The following POU4F2 variants were observed in gnomAD, a reference collection of about 807,000 sequenced individuals.
POU4F2 encodes POU class 4 homeobox 2, also known as POU domain, class 4, transcription factor 2.
In POU4F2, 10 loss-of-function variants were observed where a neutral mutation model predicts 21.5. The observed-to-expected ratio is 0.46, with a 90% CI of 0.29 to 0.79. POU4F2 has a LOEUF of 0.79. Among genes scored for constraint, POU4F2 ranks in the 30% least tolerant of loss-of-function variants. POU4F2 has a pLI of 0.10. For missense variants in POU4F2, 623 were observed against 603.3 expected (o/e 1.03, Z -0.34); for synonymous variants, 324 against 271.1 (o/e 1.20, Z -1.92).
At position 146,640,972 on chromosome 4, in the gene POU4F2, GC is replaced by G. The variant is rs1740876860; in HGVS notation, c.*166del. The G allele has an allele frequency of 3.0e-6, 2 of 670,916 alleles. No homozygotes were observed. The highest frequency in any genetic ancestry group is 4.6e-6 in the Non-Finnish European group (2 of 430,210). 41.6% of individuals were successfully genotyped at this position (670,916 alleles called of 1,614,324 possible). On this transcript the variant is annotated 3_prime_UTR_variant, in exon 2 of 2. Transcript: ENST00000281321. The surrounding 1 kb of genome is among the most constrained non-coding windows in gnomAD (Gnocchi z 4.8). Reference sequence around the variant, plus strand: ...CGAACGAGCGAACAACTGAGCCCAAGCCGGTGAGAATGTGAAACAGTTTCTC... The same window carrying G: ...CGAACGAGCGAACAACTGAGCCCAAGCGGTGAGAATGTGAAACAGTTTCTC...
At position 146,639,820 on chromosome 4, in the gene POU4F2, A is replaced by G. The variant is rs1426822505; in HGVS notation, c.289-47A>G. 1.3e-6 allele frequency: 2 copies of G among 1,497,762 alleles called. 1 individual carries two copies. 92.8% of individuals were successfully genotyped at this position (1,497,762 alleles called of 1,614,324 possible). ...GCCGGGGCTTCCGGAGAGAGGGCGT[A>G]CAATTCCCTGCTGAGCGTAATGTGT... On this transcript the variant is annotated intron_variant, in intron 1 of 1. Transcript: ENST00000281321.
At position 146,640,069 on chromosome 4, in the gene POU4F2, C is replaced by T. The variant is rs1324791249; in HGVS notation, c.491C>T (p.Pro164Leu). ...ASSSSVPISH[P>L]SALAGTHHHH... The stretch of plus-strand genomic sequence containing the variant: ...TCTTCATCGGTGCCCATCTCGCACC[C>T]TTCCGCGTTGGCGGGCACGCACCAC... Residue 164 changes from proline (P) to leucine (L), a missense_variant, in exon 2 of 2, where the codon CCT becomes CTT. Pro to Leu is a moderately conservative substitution (Grantham distance 98). Coordinates refer to ENST00000281321, the MANE Select transcript of POU4F2 (RefSeq NM_004575.3). The surrounding 1 kb of genome is among the most constrained non-coding windows in gnomAD (Gnocchi z 4.8). 1 of 1,607,086 alleles carries T rather than the reference C, an allele frequency of 6.2e-7. No individual in the cohort carries two copies. The highest frequency in any genetic ancestry group is 8.5e-7 in the Non-Finnish European group (1 of 1,179,922).
In POU4F2 at chr4:146,638,898, C is replaced by A. The variant is rs1740808004; in HGVS notation, c.-243C>A. The A allele has an allele frequency of 5.6e-6, 3 of 533,060 alleles. No homozygotes were observed. The highest frequency in any genetic ancestry group is 4.4e-5 in the Admixed American group (1 of 22,956). 33.0% of individuals were successfully genotyped at this position (533,060 alleles called of 1,614,324 possible). Reference sequence around the variant, plus strand: ...CGGCCGCGAGGAGCGGGGGCAGTTTCGGGTGCCGAGGTCTGCAGCTAGCGG... The same window carrying A: ...CGGCCGCGAGGAGCGGGGGCAGTTTAGGGTGCCGAGGTCTGCAGCTAGCGG... On this transcript the variant is annotated 5_prime_UTR_variant, in exon 1 of 2. Coordinates refer to ENST00000281321, the MANE Select transcript of POU4F2 (RefSeq NM_004575.3).
chr4:146,638,985 G>T lies in POU4F2; in HGVS notation c.-156G>T, dbSNP rs1419970981. On this transcript the variant is annotated 5_prime_UTR_variant, in exon 1 of 2. Coordinates refer to ENST00000281321, the MANE Select transcript of POU4F2 (RefSeq NM_004575.3). ...AGGCGGCGAAGGAGCGCGTAGCCGA[G>T]ATCAGGCGTACAGAGTCCGGAGGCG... is the stretch of plus-strand genomic sequence containing the variant. 1.9e-5 allele frequency: 17 copies of T among 909,680 alleles called. No homozygotes were observed. The East Asian group carries it at 3.5e-4, about 19-fold the overall frequency. The allele number at this position is 909,680 out of a possible 1,614,324, so 56.4% of individuals were successfully genotyped here.
In POU4F2 at chr4:146,639,442, CA is replaced by C; in HGVS notation, c.288+15del. ...CCAACCCCACCGGTGCGTATTTCTG[CA>C]TAATCACCGCTTAAAGGCACATTTT... On this transcript the variant is annotated intron_variant, in intron 1 of 1. Transcript: ENST00000281321. The C allele has an allele frequency of 7.6e-6, 11 of 1,456,270 alleles. No individual in the cohort carries two copies. Among genetic ancestry groups the C allele is most frequent in the African/African-American group, 1.5e-5 (1 of 67,366 alleles). The allele number at this position is 1,456,270 out of a possible 1,614,324, so 90.2% of individuals were successfully genotyped here.
At position 146,640,177 on chromosome 4, in the gene POU4F2, T is replaced by A. The variant is rs1470667148; in HGVS notation, c.599T>A (p.Leu200Gln). The A allele has an allele frequency of 1.3e-6, 2 of 1,590,538 alleles. No homozygotes were observed. Among genetic ancestry groups the A allele is most frequent in the East Asian group, 4.5e-5 (2 of 44,116 alleles). Residue 200 changes from leucine to glutamine, a missense_variant, in exon 2 of 2, where the codon CTG (leucine) becomes CAG (glutamine). Physicochemically the swap from Leu to Gln is moderately radical, Grantham distance 113. Transcript: ENST00000281321. The surrounding 1 kb of genome is among the most constrained non-coding windows in gnomAD (Gnocchi z 4.8). Reference protein sequence around the residue: ...GELLEHLSPGLALGAMAGPDG... With the variant: ...GELLEHLSPGQALGAMAGPDG... Reference sequence around the variant, plus strand: ...CTGCTGGAGCACCTGAGTCCCGGGCTGGCCCTGGGCGCTATGGCGGGCCCC... The same window carrying A: ...CTGCTGGAGCACCTGAGTCCCGGGCAGGCCCTGGGCGCTATGGCGGGCCCC...
In POU4F2 at chr4:146,640,826, C is replaced by G; in HGVS notation, c.*18C>G. ...GCATTTAGAAGACTCTTGGCCTCTC[C>G]AGAGACGCCCCTTTCCTCGTCCGCT... On this transcript the variant is annotated 3_prime_UTR_variant, in exon 2 of 2. Transcript: ENST00000281321. The surrounding 1 kb of genome is among the most constrained non-coding windows in gnomAD (Gnocchi z 4.8). The G allele has an allele frequency of 6.4e-7, 1 of 1,554,930 alleles. No homozygotes were observed. The highest frequency in any genetic ancestry group is 8.7e-7 in the Non-Finnish European group (1 of 1,153,420).
chr4:146,639,134 C>A lies in POU4F2; in HGVS notation c.-7C>A, dbSNP rs1334020922. On this transcript the variant is annotated 5_prime_UTR_variant, in exon 1 of 2. Coordinates refer to ENST00000281321, the MANE Select transcript of POU4F2 (RefSeq NM_004575.3). ...CTCTACGGACCAGCGCCCCGGCGGG[C>A]GGGAAGATGATGATGATGTCCCTGA... The A allele has an allele frequency of 2.5e-6, 4 of 1,601,342 alleles. No homozygotes were observed. The highest frequency in any genetic ancestry group is 1.4e-5 in the African/African-American group (1 of 73,716).
rs1034381010 is a variant in POU4F2 at position 146,642,441 on chromosome 4, A to G, written c.*1633A>G. ...TGGCAACGTATGCTGCTTTTTCATT[A>G]AAATATGCTATTAAAATTAAATGGC... On this transcript the variant is annotated 3_prime_UTR_variant, in exon 2 of 2. Transcript: ENST00000281321. The G allele has an allele frequency of 6.6e-6, 1 of 152,232 alleles. No homozygotes were observed. Among genetic ancestry groups the G allele is most frequent in the Non-Finnish European group, 1.5e-5 (1 of 68,046 alleles). The allele number at this position is 152,232 out of a possible 1,614,324, so 9.4% of individuals were successfully genotyped here.
Position 146,639,847 on chromosome 4 carries a change from C to A in POU4F2, c.289-20C>A. 1 of 1,520,822 alleles carries A rather than the reference C, an allele frequency of 6.6e-7. No individual in the cohort carries two copies. Among genetic ancestry groups the A allele is most frequent in the Admixed American group, 2.1e-5 (1 of 46,688 alleles). 94.2% of individuals were successfully genotyped at this position (1,520,822 alleles called of 1,614,324 possible). On this transcript the variant is annotated intron_variant, in intron 1 of 1. Transcript: ENST00000281321. ...AATTCCCTGCTGAGCGTAATGTGTG[C>A]CTTCTACTTACAATTGCAGAGCAAT...
chr4:146,640,716 G>A lies in POU4F2; in HGVS notation c.1138G>A (p.Glu380Lys), dbSNP rs1168278232. ...PSSEKIAAIA[E>K]KLDLKKNVVR... ...CTCTGAAAAGATCGCCGCCATCGCG[G>A]AGAAGCTGGACCTGAAGAAAAACGT... Residue 380 changes from glutamate (E) to lysine (K), a missense_variant, in exon 2 of 2, where the codon GAG (glutamate) becomes AAG (lysine). Around this residue, in one of 3 missense-constraint regions of POU4F2, gnomAD observed 523 missense variants for 504.1 expected, o/e 1.04. Coordinates refer to ENST00000281321, the MANE Select transcript of POU4F2 (RefSeq NM_004575.3). The surrounding 1 kb of genome is among the most constrained non-coding windows in gnomAD (Gnocchi z 4.8). The A allele has an allele frequency of 6.2e-7, 1 of 1,614,232 alleles. No individual in the cohort carries two copies. Among genetic ancestry groups the A allele is most frequent in the Non-Finnish European group, 8.5e-7 (1 of 1,180,040 alleles).
At position 146,640,837 on chromosome 4, in the gene POU4F2, C is replaced by A. The variant is rs750265120; in HGVS notation, c.*29C>A. The A allele has an allele frequency of 2.4e-5, 37 of 1,536,220 alleles. No homozygotes were observed. The highest frequency in any genetic ancestry group is 3.1e-5 in the Non-Finnish European group (36 of 1,143,774). On this transcript the variant is annotated 3_prime_UTR_variant, in exon 2 of 2. Transcript: ENST00000281321. The surrounding 1 kb of genome is among the most constrained non-coding windows in gnomAD (Gnocchi z 4.8). ...ACTCTTGGCCTCTCCAGAGACGCCC[C>A]TTTCCTCGTCCGCTCTTTTCTCTCC...
In POU4F2 at chr4:146,640,905, C is replaced by A; in HGVS notation, c.*97C>A. 1.6e-6 allele frequency: 2 copies of A among 1,288,814 alleles called. No homozygotes were observed. Among genetic ancestry groups the A allele is most frequent in the South Asian group, 1.6e-5 (1 of 62,848 alleles). 79.8% of individuals were successfully genotyped at this position (1,288,814 alleles called of 1,614,324 possible). ...CACTTTTGGCGACTAGAAACAATTC[C>A]AGTAAATGTGAATCTCGACAAATCG... On this transcript the variant is annotated 3_prime_UTR_variant, in exon 2 of 2. Transcript: ENST00000281321. The surrounding 1 kb of genome is among the most constrained non-coding windows in gnomAD (Gnocchi z 4.8).
At chr4:146,639,653 T>C (rs956358128) in intron 1 of POU4F2, among the ~76,000 whole-genome samples, 1 of 151,890 alleles carries the variant, frequency 6.6e-6, no homozygotes, top group Admixed American at 6.6e-5. Flanking sequence ...GTCTACAGGC[T>C]CACTTTCCTC....
In POU4F2 at chr4:146,640,470, A is replaced by G; in HGVS notation, c.892A>G (p.Thr298Ala). The change falls in exon 2 of 2, where the codon ACC (threonine) becomes GCC (alanine). Residue 298 changes from threonine (T) to alanine (A), a missense_variant. By Grantham distance (58) the Thr-to-Ala change is moderately conservative. Transcript: ENST00000281321. The surrounding 1 kb of genome is among the most constrained non-coding windows in gnomAD (Gnocchi z 4.8). ...CGGCGTGGGCTCGCTTAGCCAGAGCACCATCTGCAGGTTCGAGTCCCTCAC... is the reference window on the plus strand; with the variant it reads ...CGGCGTGGGCTCGCTTAGCCAGAGCGCCATCTGCAGGTTCGAGTCCCTCAC... Reference protein sequence around the residue: ...IPGVGSLSQSTICRFESLTLS... With the variant: ...IPGVGSLSQSAICRFESLTLS... 1 of 1,614,076 alleles carries G rather than the reference A, an allele frequency of 6.2e-7. No homozygotes were observed. The highest frequency in any genetic ancestry group is 8.5e-7 in the Non-Finnish European group (1 of 1,180,018).
chr4:146,639,789 C>A, intron 1 of POU4F2, 78 bp from the exon 2 acceptor site: 1 of 1,417,744 alleles, frequency 7.1e-7, no homozygotes, highest in Non-Finnish European at 9.5e-7. Context: ...CGGTGTCGAG[C>A]CCTGGGCCGG....
Position 146,639,209 on chromosome 4 carries a change from G to A in POU4F2, c.69G>A (p.Glu23=), listed in dbSNP as rs781361250. 3 of 1,607,272 alleles carry A rather than the reference G, an allele frequency of 1.9e-6. No homozygotes were observed. The highest frequency in any genetic ancestry group is 1.1e-5 in the South Asian group (1 of 90,172). ...CGCACGGCGGCAGCCTGCACGTGGA[G>A]CCCAAGTACTCGGCACTGCACAGCA... is the stretch of plus-strand genomic sequence containing the variant. ...SMPHGGSLHV[E]PKYSALHSTS... is the part of the protein sequence containing the mutation. Residue 23 remains glutamate (E), a synonymous_variant, in exon 1 of 2, where the codon GAG becomes GAA. Coordinates refer to ENST00000281321, the MANE Select transcript of POU4F2 (RefSeq NM_004575.3).
Position 146,641,132 on chromosome 4 carries a change from T to C in POU4F2, c.*324T>C. On this transcript the variant is annotated 3_prime_UTR_variant, in exon 2 of 2. Transcript: ENST00000281321. The stretch of plus-strand genomic sequence containing the variant: ...GGCAGACGAGACAGTGTTTAAAAAG[T>C]CCACAAGAATGATCAAGTAAGATTT... 8.4e-6 allele frequency: 2 copies of C among 238,836 alleles called. No individual in the cohort carries two copies. 14.8% of individuals were successfully genotyped at this position (238,836 alleles called of 1,614,324 possible). A position where few individuals can be genotyped will look rare whatever the true frequency, so the allele number is the denominator to read the frequency against.
At position 146,640,948 on chromosome 4, in the gene POU4F2, G is replaced by C; in HGVS notation, c.*140G>C. The C allele has an allele frequency of 1.1e-6, 1 of 875,800 alleles. No homozygotes were observed. Among genetic ancestry groups the C allele is most frequent in the South Asian group, 2.1e-5 (1 of 48,184 alleles). 54.3% of individuals were successfully genotyped at this position (875,800 alleles called of 1,614,324 possible). A position where few individuals can be genotyped will look rare whatever the true frequency, so the allele number is the denominator to read the frequency against. On this transcript the variant is annotated 3_prime_UTR_variant, in exon 2 of 2. Coordinates refer to ENST00000281321, the MANE Select transcript of POU4F2 (RefSeq NM_004575.3). The surrounding 1 kb of genome is among the most constrained non-coding windows in gnomAD (Gnocchi z 4.8). ...ACAAATCGAGGACTGAAGAGGGAGC[G>C]AACGAGCGAACAACTGAGCCCAAGC...
Sources: gnomAD v4.1 joint callset for allele counts (sites outside exome capture counted in the v4.1 genomes callset) on GRCh38, gnomAD v4.1.1 for gene constraint, gnomAD v4.1.1 regional missense constraint, Gnocchi (gnomAD v3.1) non-coding constraint, MANE v1.5 for transcripts, NCBI Gene and HGNC (gene_info 2026-07-23, HGNC 2026-07-21) for gene names.